Variants in XIRP2 observed in about 807,000 individuals in gnomAD.
The protein encoded by XIRP2 is xin actin-binding repeat-containing protein 2.
Under a neutral mutation model 277.0 loss-of-function variants are expected in XIRP2, and 236 were observed. The observed-to-expected ratio is 0.85, with a 90% CI of 0.77 to 0.95. The LOEUF (loss-of-function observed/expected upper bound fraction) is 0.95, where lower values mean the gene tolerates loss of function less well. Among genes scored for constraint, XIRP2 ranks in the 40% least tolerant of loss-of-function variants. The probability of loss-of-function intolerance (pLI) is 0.00; values close to 1 mark genes in which losing one functional copy is unlikely to be tolerated. For synonymous variants in XIRP2, 1,490 were observed against 1,416.5 expected, an observed-to-expected ratio of 1.05 and a Z score of -1.17; for missense variants, 4,640 against 4,157.5, an observed-to-expected ratio of 1.12 and a Z score of -3.19.
At chr2:167,027,680 T>G (rs1327239744) in intron 2 of XIRP2, among the ~76,000 whole-genome samples, 3 of 152,228 alleles carry the variant, frequency 2.0e-5, no homozygotes, top group African/African-American at 7.2e-5. Context: ...ACAGATGGGT[T>G]TTTGGTGTGG....
rs1164277829 is a variant in XIRP2, at chr2:167,248,995, C to T, written c.7603C>T (p.Pro2535Ser). ...GAGTTCAGGACAACAAAATCCAAAA[C>T]CTTATATGAGAAAATTTAAGACACC... ...PESSGQQNPK[P>S]YMRKFKTPLM... Residue 2535 changes from proline to serine, a missense_variant, in exon 9 of 11, where the codon CCT becomes TCT. Coordinates refer to ENST00000409195, the MANE Select transcript of XIRP2 (RefSeq NM_152381.6). 6.2e-7 allele frequency: 1 copy of T among 1,611,638 alleles called. No individual in the cohort carries two copies. Among genetic ancestry groups the T allele is most frequent in the Admixed American group, 1.7e-5 (1 of 59,482 alleles).
intron 3 of XIRP2, among the ~76,000 whole-genome samples, chr2:167,189,263 C>G (rs529937259): frequency 6.6e-6 from 1 of 152,266 alleles, no homozygotes; most frequent in East Asian, 1.9e-4. Flanking sequence ...CTTGTGCTCT[C>G]TCTCTCACAC....
chr2:166,959,635 A>G (rs746366229), intron 2 of XIRP2, among the ~76,000 whole-genome samples: 3 of 151,858 alleles, frequency 2.0e-5, no homozygotes, highest in South Asian at 2.1e-4. Flanking sequence ...ATTCTTTTGA[A>G]TATAGAAATT....
At chr2:167,060,889 T>G (rs1689157681) in intron 2 of XIRP2, among the ~76,000 whole-genome samples, 1 of 152,198 alleles carries the variant, frequency 6.6e-6, no homozygotes, top group South Asian at 2.1e-4. Context: ...TTAGAATTAC[T>G]TTTTGAATTC....
intron 2 of XIRP2, among the ~76,000 whole-genome samples, chr2:167,103,864 AG>A (rs200048746): frequency 0.08 from 12,148 of 152,216 alleles, 534 homozygotes; most frequent in South Asian, 0.16. Flanking sequence ...TTTTAAATGT[AG>A]CTACCCTTAT....
chr2:167,211,925 T>G (rs1694057324), intron 4 of XIRP2, among the ~76,000 whole-genome samples: 1 of 152,178 alleles, frequency 6.6e-6, no homozygotes, highest in Non-Finnish European at 1.5e-5. Context: ...CTTTTATAAT[T>G]ATAATCTCCA....
At chr2:166,895,604 T>C (rs1167190270) in intron 1 of XIRP2, among the ~76,000 whole-genome samples, 1 of 152,174 alleles carries the variant, frequency 6.6e-6, no homozygotes, top group East Asian at 1.9e-4. Flanking sequence ...GGTCACTGCC[T>C]GCCACCTACG....
intron 2 of XIRP2, among the ~76,000 whole-genome samples, chr2:167,033,898 A>T (rs1185147121): frequency 6.6e-6 from 1 of 152,208 alleles, no homozygotes; most frequent in Admixed American, 6.6e-5. Flanking sequence ...AATCTGAAAG[A>T]AAAGGATGTT....
At chr2:166,905,385 T>G (rs1398606024) in intron 2 of XIRP2, among the ~76,000 whole-genome samples, 1 of 151,968 alleles carries the variant, frequency 6.6e-6, no homozygotes, top group African/African-American at 2.4e-5. Context: ...CTCATCTGGA[T>G]GAGATGCAAC....
chr2:167,114,594 C>A (rs1400491662), intron 2 of XIRP2, among the ~76,000 whole-genome samples: 2 of 151,684 alleles, frequency 1.3e-5, no homozygotes, highest in African/African-American at 4.9e-5. Flanking sequence ...ATCCCTCCCC[C>A]TTCCCCCCAC....
chr2:167,248,256 C>T lies in XIRP2; in HGVS notation c.6864C>T (p.Pro2288=). The T allele has an allele frequency of 1.2e-6, 2 of 1,612,492 alleles. No homozygotes were observed. The highest frequency in any genetic ancestry group is 1.7e-6 in the Non-Finnish European group (2 of 1,179,460). ...ATAATGTAAAAGAAAGTGAGTGCCCCCTTCCACCTCCATCTCCACCTCCTC... is the reference window on the plus strand; with the variant it reads ...ATAATGTAAAAGAAAGTGAGTGCCCTCTTCCACCTCCATCTCCACCTCCTC... ...PENNVKESEC[P]LPPPSPPPPP... Residue 2288 remains proline, a synonymous_variant, in exon 9 of 11, where the codon CCC becomes CCT. Transcript: ENST00000409195.
chr2:167,179,702 A>C (rs990823773), intron 3 of XIRP2, among the ~76,000 whole-genome samples: 1 of 150,714 alleles, frequency 6.6e-6, no homozygotes, highest in Admixed American at 6.6e-5. Flanking sequence ...GTGCAGTGGC[A>C]TGATCACTAC....
intron 2 of XIRP2, among the ~76,000 whole-genome samples, chr2:167,022,818 T>G (rs987659636): frequency 1.3e-5 from 2 of 152,200 alleles, no homozygotes; most frequent in African/African-American, 4.8e-5. Context: ...TATTCCATGG[T>G]GTATATGTGC....
At chr2:166,974,642 A>G (rs970635369) in intron 2 of XIRP2, among the ~76,000 whole-genome samples, 7 of 152,154 alleles carry the variant, frequency 4.6e-5, no homozygotes, top group East Asian at 3.9e-4. Flanking sequence ...ATGAAAAGTG[A>G]TAAGGAGGTA....
chr2:166,912,546 G>A (rs1478914830), intron 2 of XIRP2, among the ~76,000 whole-genome samples: 3 of 152,068 alleles, frequency 2.0e-5, no homozygotes, highest in African/African-American at 7.2e-5. Flanking sequence ...CTTTGCAATG[G>A]GTTTGAACTT....
intron 2 of XIRP2, among the ~76,000 whole-genome samples, chr2:166,936,669 A>G (rs1685526588): frequency 6.6e-6 from 1 of 152,316 alleles, no homozygotes; most frequent in Non-Finnish European, 1.5e-5. Context: ...TTAAATAGGG[A>G]ATCCTTTCCC....
At chr2:167,156,053 C>T (rs1259755429) in intron 3 of XIRP2, among the ~76,000 whole-genome samples, 2 of 150,636 alleles carry the variant, frequency 1.3e-5, no homozygotes, top group African/African-American at 4.9e-5. Flanking sequence ...ATGTGAAGGA[C>T]CTCTTCAAGG....
At chr2:167,174,708 G>A (rs1226952254) in intron 3 of XIRP2, among the ~76,000 whole-genome samples, 4 of 151,408 alleles carry the variant, frequency 2.6e-5, no homozygotes, top group Admixed American at 2.0e-4. Context: ...GTGATGTTAG[G>A]GTGTCAATTT....
chr2:167,090,588 A>T lies in XIRP2; in HGVS notation c.409-45321A>T, dbSNP rs181159299. On this transcript the variant is annotated intron_variant, in intron 2 of 10. Transcript: ENST00000409195. ...AAGAATACTTGATGCTAGGTGATTT[A>T]TGTTTAAAAGAGATTTATTTAGCTC... 1.7e-4 allele frequency among the ~76,000 whole-genome samples: 26 copies of T among 152,254 alleles called. No individual in the cohort carries two copies. The East Asian group carries it at 2.7e-3, about 16-fold the overall frequency.
Sources: allele counts gnomAD v4.1 joint callset (sites outside exome capture counted in the v4.1 genomes callset), GRCh38; gene constraint gnomAD v4.1.1; transcripts MANE v1.5; gene names NCBI Gene and HGNC (gene_info 2026-07-23, HGNC 2026-07-21).